RXFP1: variants seen among roughly 807,000 people sequenced by gnomAD.
RXFP1 encodes the protein relaxin receptor 1.
RXFP1 carries 73 observed loss-of-function variants against 89.8 expected under a neutral mutation model. That is an observed-to-expected ratio of 0.81 (90% CI 0.67 to 0.99). The LOEUF is 0.99. RXFP1 is among the 50% of genes least tolerant of loss of function. The pLI is 0.00. For synonymous variants in RXFP1, 277 were observed against 305.5 expected (o/e 0.91, Z 0.97); for missense variants, 793 against 895.5 (o/e 0.89, Z 1.46).
In RXFP1 at chr4:158,617,212, G is replaced by A. The variant is rs372755357; in HGVS notation, c.755+7G>A. 96 of 1,589,570 alleles carry A rather than the reference G, an allele frequency of 6.0e-5. No homozygotes were observed. The African/African-American group carries it at 6.5e-4, about 11-fold the overall frequency. ...TGCCAAGACTACATTGGCTGTAAGCGATTCTGTCTTTTTTTAAAGAACTCA... is the reference window on the plus strand; with the variant it reads ...TGCCAAGACTACATTGGCTGTAAGCAATTCTGTCTTTTTTTAAAGAACTCA... On this transcript the variant is annotated splice_region_variant and intron_variant, in intron 9 of 17. Transcript: ENST00000307765.
At chr4:158,645,182 A>G (rs1423771166) in intron 15 of RXFP1, 44 bp downstream of exon 15, 3 of 1,422,122 alleles carry the variant, frequency 2.1e-6, no homozygotes, top group Non-Finnish European at 3.0e-6. Context: ...TTTGAAATAT[A>G]CAAAAGCTTT....
At chr4:158,624,782 A>T (rs1194832543) in intron 9 of RXFP1, among the ~76,000 whole-genome samples, 4 of 152,120 alleles carry the variant, frequency 2.6e-5, no homozygotes, top group African/African-American at 4.8e-5. Flanking sequence ...ATGTATGCTC[A>T]TATACAGGCC....
At chr4:158,648,406 T>C in intron 16 of RXFP1, 93 bp from the exon 17 acceptor site, 2 of 774,546 alleles carry the variant, frequency 2.6e-6, no homozygotes, top group Non-Finnish European at 4.0e-6. Flanking sequence ...ATAACATCTT[T>C]GTATCTTTAA....
chr4:158,628,380 G>A lies in RXFP1; in HGVS notation c.828-258G>A, dbSNP rs79892023. ...ATGCAGTCTGTATTCTCAAAAGTTGGGGTTTTCACCATTTCTCGTGCAAAG... is the reference window on the plus strand; with the variant it reads ...ATGCAGTCTGTATTCTCAAAAGTTGAGGTTTTCACCATTTCTCGTGCAAAG... On this transcript the variant is annotated intron_variant, in intron 10 of 17. Coordinates refer to ENST00000307765, the MANE Select transcript of RXFP1 (RefSeq NM_021634.4). 2.4e-3 allele frequency among the ~76,000 whole-genome samples: 366 copies of A among 152,148 alleles called. 4 individuals carry two copies. Among genetic ancestry groups the A allele is most frequent in the African/African-American group, 8.2e-3 (339 of 41,498 alleles).
intron 1 of RXFP1, among the ~76,000 whole-genome samples, chr4:158,568,789 G>A (rs962083226): frequency 6.6e-6 from 1 of 152,178 alleles, no homozygotes; most frequent in Non-Finnish European, 1.5e-5. Flanking sequence ...TTCTCTCTAT[G>A]AGAATGTTAA....
intron 1 of RXFP1, among the ~76,000 whole-genome samples, chr4:158,530,595 T>C (rs756991959): frequency 5.9e-5 from 9 of 152,220 alleles, no homozygotes; most frequent in Non-Finnish European, 1.3e-4. Flanking sequence ...ATTTCAAACT[T>C]AGACAGAGTG....
At chr4:158,568,600 A>G (rs1431087936) in intron 1 of RXFP1, among the ~76,000 whole-genome samples, 1 of 152,214 alleles carries the variant, frequency 6.6e-6, no homozygotes, top group African/African-American at 2.4e-5. Flanking sequence ...TCTGCCAGTG[A>G]TGGCCTTTTT....
intron 1 of RXFP1, among the ~76,000 whole-genome samples, chr4:158,534,875 T>C (rs1259645796): frequency 2.1e-5 from 3 of 142,488 alleles, no homozygotes; most frequent in East Asian, 4.1e-4. Flanking sequence ...TTATTACCTA[T>C]ATTATTACCT....
intron 1 of RXFP1, among the ~76,000 whole-genome samples, chr4:158,539,504 G>A (rs1234511518): frequency 6.6e-6 from 1 of 151,508 alleles, no homozygotes; most frequent in East Asian, 1.9e-4. Context: ...AAAAAAAAAA[G>A]ACAAACTGGA....
intron 6 of RXFP1, 55 bp downstream of exon 6, chr4:158,608,098 C>A (rs1762845729): frequency 1.7e-6 from 2 of 1,175,766 alleles, no homozygotes; most frequent in Non-Finnish European, 2.5e-6. Flanking sequence ...ACAGCCTAGA[C>A]TATTCCAATC....
At chr4:158,533,445 A>G (rs1744534125) in intron 1 of RXFP1, among the ~76,000 whole-genome samples, 1 of 152,240 alleles carries the variant, frequency 6.6e-6, no homozygotes, top group Non-Finnish European at 1.5e-5. Context: ...TAATCATTAT[A>G]ACGAAATACC....
chr4:158,551,605 A>T (rs551054324), intron 1 of RXFP1, among the ~76,000 whole-genome samples: 59 of 152,342 alleles, frequency 3.9e-4, no homozygotes, highest in Non-Finnish European at 6.6e-4. Context: ...CACATTGTAC[A>T]CCATAAATAT....
At chr4:158,548,497 T>C (rs1414173840) in intron 1 of RXFP1, among the ~76,000 whole-genome samples, 1 of 152,244 alleles carries the variant, frequency 6.6e-6, no homozygotes, top group Non-Finnish European at 1.5e-5. Flanking sequence ...GTCATTATGA[T>C]GTTAGCTGGT....
At chr4:158,617,467 A>T (rs914037040) in intron 9 of RXFP1, among the ~76,000 whole-genome samples, 1 of 151,398 alleles carries the variant, frequency 6.6e-6, no homozygotes, top group Non-Finnish European at 1.5e-5. Flanking sequence ...GGAAGAAGAA[A>T]CACAGAAGGA....
intron 16 of RXFP1, among the ~76,000 whole-genome samples, chr4:158,647,451 T>C (rs745457901): frequency 6.6e-6 from 1 of 152,262 alleles, no homozygotes; most frequent in Non-Finnish European, 1.5e-5. Flanking sequence ...ATGAACATAA[T>C]GATATTTATT....
Position 158,567,148 on chromosome 4 carries a change from G to A in RXFP1, c.50-5550G>A, listed in dbSNP as rs192962676. Among the ~76,000 whole-genome samples, 21 of 152,308 alleles carry A rather than the reference G, an allele frequency of 1.4e-4. No homozygotes were observed. The East Asian group carries it at 2.7e-3, about 20-fold the overall frequency. On this transcript the variant is annotated intron_variant, in intron 1 of 17. Transcript: ENST00000307765. ...GCTGCCTCCCCGCTTGGCAGGGCTC[G>A]GGACCTGCAGCCTACCATGCCTGAG...
intron 4 of RXFP1, among the ~76,000 whole-genome samples, chr4:158,600,797 A>C (rs1043918632): frequency 6.6e-6 from 1 of 151,500 alleles, no homozygotes; most frequent in Non-Finnish European, 1.5e-5. Context: ...ACTGCACTCC[A>C]GCCTGGATGA....
chr4:158,534,245 A>ATTT (rs70962614), intron 1 of RXFP1, among the ~76,000 whole-genome samples: 127 of 137,626 alleles, frequency 9.2e-4, no homozygotes, highest in African/African-American at 3.2e-3. Context: ...TGATATTCTG[A>ATTT]TTTTTTTTTT....
chr4:158,609,167 A>G (rs139124045), intron 6 of RXFP1, among the ~76,000 whole-genome samples: 22 of 152,328 alleles, frequency 1.4e-4, no homozygotes, highest in African/African-American at 5.0e-4. Flanking sequence ...AAGAATTGGA[A>G]TTGCTAAATC....
Sources: allele counts gnomAD v4.1 joint callset (sites outside exome capture counted in the v4.1 genomes callset), GRCh38; gene constraint gnomAD v4.1.1; transcripts MANE v1.5; gene names NCBI Gene and HGNC (gene_info 2026-07-23, HGNC 2026-07-21).